LHPP: variants seen among roughly 807,000 people sequenced by gnomAD.
The protein encoded by LHPP is hLHPP.
LHPP carries 24 observed loss-of-function variants against 30.3 expected under a neutral mutation model. The ratio of observed to expected loss-of-function variants is 0.79; its 90% CI spans 0.57 to 1.11. The LOEUF (loss-of-function observed/expected upper bound fraction) is 1.11, where lower values mean the gene tolerates loss of function less well. LHPP is among the 50% of genes most tolerant of loss of function. The pLI is 0.00. For synonymous variants in LHPP, 150 were observed against 157.1 expected (o/e 0.95, Z 0.34); for missense variants, 356 against 367.2 (o/e 0.97, Z 0.25).
At chr10:124,469,201 G>A (rs1952650120) in intron 1 of LHPP, among the ~76,000 whole-genome samples, 1 of 152,098 alleles carries the variant, frequency 6.6e-6, no homozygotes, top group Non-Finnish European at 1.5e-5. Flanking sequence ...GGAGTGGGGT[G>A]GGGGGTCTTA....
intron 5 of LHPP, among the ~76,000 whole-genome samples, chr10:124,503,668 T>C (rs1463290550): frequency 6.6e-6 from 1 of 151,910 alleles, no homozygotes; most frequent in Non-Finnish European, 1.5e-5. Context: ...GTCCAACTTC[T>C]TTTCCTTCTA....
chr10:124,600,385 G>A (rs1949005770), intron 6 of LHPP, among the ~76,000 whole-genome samples: 1 of 152,254 alleles, frequency 6.6e-6, no homozygotes, highest in Non-Finnish European at 1.5e-5. Context: ...AGGGTGGGGG[G>A]CTCGCCTCTT....
At chr10:124,502,114 C>T (rs772175941) in intron 5 of LHPP, among the ~76,000 whole-genome samples, 1 of 151,936 alleles carries the variant, frequency 6.6e-6, no homozygotes, top group African/African-American at 2.4e-5. Flanking sequence ...AAAATGTTCA[C>T]GTGTACCGTT....
At chr10:124,547,656 C>T (rs1955384409) in intron 6 of LHPP, among the ~76,000 whole-genome samples, 1 of 152,252 alleles carries the variant, frequency 6.6e-6, no homozygotes, top group African/African-American at 2.4e-5. Flanking sequence ...TTCTGGCTGC[C>T]TGGTGGAGGT....
rs1466992433 is a variant in LHPP at position 124,541,400 on chromosome 10, C to T, written c.716+24129C>T. 6.6e-6 allele frequency among the ~76,000 whole-genome samples: 1 copy of T among 152,232 alleles called. No homozygotes were observed. Among genetic ancestry groups the T allele is most frequent in the Non-Finnish European group, 1.5e-5 (1 of 68,040 alleles). ...GCTCTCTGCCTTGCAAGAACATTGC[C>T]TGTGGCTCAAAATGGCCACATGGGA... On this transcript the variant is annotated intron_variant, in intron 6 of 6. Transcript: ENST00000368842. The surrounding 1 kb of genome is among the most constrained non-coding windows in gnomAD (Gnocchi z 4.2).
chr10:124,520,900 A>T lies in LHPP; in HGVS notation c.716+3629A>T, dbSNP rs1171301535. On this transcript the variant is annotated intron_variant, in intron 6 of 6. Transcript: ENST00000368842. Reference sequence around the variant, plus strand: ...GGGAGAAAGGATTGTGAAAGAGCTCATGAGTATTTTTTTATATCGGCTGCA... The same window carrying T: ...GGGAGAAAGGATTGTGAAAGAGCTCTTGAGTATTTTTTTATATCGGCTGCA... Among the ~76,000 whole-genome samples the T allele has an allele frequency of 2.0e-5, 3 of 152,374 alleles. No homozygotes were observed. In the South Asian group the frequency reaches 6.2e-4, roughly 32 times the overall value.
At chr10:124,589,020 C>T (rs898632030) in intron 6 of LHPP, among the ~76,000 whole-genome samples, 47 of 152,220 alleles carry the variant, frequency 3.1e-4, no homozygotes, top group African/African-American at 1.0e-3. Context: ...CCCAGCAGCG[C>T]GGCTGTGAGG....
rs771466873 is a variant in LHPP, at chr10:124,488,406, C to T, written c.314-16C>T. ...CCCAGGGCTCCGTGGCACTCTGTCT[C>T]TCTCTCTCTTTCCAGGAGTCCGCTC... On this transcript the variant is annotated splice_polypyrimidine_tract_variant and intron_variant, in intron 2 of 6. Coordinates refer to ENST00000368842, the MANE Select transcript of LHPP (RefSeq NM_022126.4). The T allele has an allele frequency of 4.3e-5, 70 of 1,612,992 alleles. No homozygotes were observed. The highest frequency in any genetic ancestry group is 5.7e-5 in the Non-Finnish European group (67 of 1,179,536).
At chr10:124,497,905 C>G in intron 4 of LHPP, 131 bp from the exon 5 acceptor site, 1 of 727,656 alleles carries the variant, frequency 1.4e-6, no homozygotes, top group Non-Finnish European at 2.4e-6. Flanking sequence ...GATGAGTTCT[C>G]AGGCCCACAG....
At chr10:124,499,721 G>A (rs1236399614) in intron 5 of LHPP, among the ~76,000 whole-genome samples, 1 of 151,956 alleles carries the variant, frequency 6.6e-6, no homozygotes, top group Non-Finnish European at 1.5e-5. Flanking sequence ...CCTCAGAAGT[G>A]GGCAGCAGAA....
chr10:124,605,153 G>C (rs1949075196), intron 6 of LHPP: 1 of 152,330 alleles, frequency 6.6e-6, no homozygotes, highest in Admixed American at 6.5e-5. Context: ...CCAGGCCCCA[G>C]GCACAGAACC....
At chr10:124,515,974 C>CT (rs1187500883) in intron 5 of LHPP, among the ~76,000 whole-genome samples, 1 of 152,250 alleles carries the variant, frequency 6.6e-6, no homozygotes, top group Non-Finnish European at 1.5e-5. Context: ...CTTCTCCTCT[C>CT]TGATTCCCTG....
chr10:124,463,509 C>T (rs558440006), intron 1 of LHPP, among the ~76,000 whole-genome samples: 3 of 152,116 alleles, frequency 2.0e-5, no homozygotes, highest in African/African-American at 7.2e-5. Context: ...ATTACAGGCA[C>T]CCGCCACCAC....
intron 6 of LHPP, among the ~76,000 whole-genome samples, chr10:124,540,869 G>T (rs1421050931): frequency 6.6e-6 from 1 of 152,280 alleles, no homozygotes; most frequent in Admixed American, 6.5e-5. Context: ...AGGAACCTGG[G>T]CTCACTTCTT....
intron 6 of LHPP, among the ~76,000 whole-genome samples, chr10:124,543,383 G>A (rs11597830): frequency 0.12 from 17,671 of 152,306 alleles, 1,417 homozygotes; most frequent in Non-Finnish European, 0.16. Flanking sequence ...TCTTTCCAGC[G>A]AGGACAGTGC....
At chr10:124,527,637 A>G (rs1320574459) in intron 6 of LHPP, among the ~76,000 whole-genome samples, 1 of 152,198 alleles carries the variant, frequency 6.6e-6, no homozygotes, top group East Asian at 1.9e-4. Flanking sequence ...GCAGGGAGAC[A>G]GAAAAGCCCA....
At chr10:124,528,170 G>A (rs902739478) in intron 6 of LHPP, among the ~76,000 whole-genome samples, 34 of 152,170 alleles carry the variant, frequency 2.2e-4, no homozygotes, top group Non-Finnish European at 2.9e-5. Flanking sequence ...GTGAGGGCCC[G>A]CCATGGTGGT....
chr10:124,538,591 C>T (rs191587741), intron 6 of LHPP, among the ~76,000 whole-genome samples: 1 of 152,348 alleles, frequency 6.6e-6, no homozygotes, highest in African/African-American at 2.4e-5. Context: ...CCACACACCA[C>T]TGCCCTGGGC....
chr10:124,468,106 T>C (rs1449856587), intron 1 of LHPP, among the ~76,000 whole-genome samples: 1 of 152,190 alleles, frequency 6.6e-6, no homozygotes, highest in Non-Finnish European at 1.5e-5. Context: ...CAGGCTTCTC[T>C]AACAGCTTAT....
Sources: allele counts gnomAD v4.1 joint callset (sites outside exome capture counted in the v4.1 genomes callset), GRCh38; gene constraint gnomAD v4.1.1; non-coding constraint Gnocchi (gnomAD v3.1); transcripts MANE v1.5; gene names NCBI Gene and HGNC (gene_info 2026-07-23, HGNC 2026-07-21).